CEP43: variants seen among roughly 807,000 people sequenced by gnomAD.
CEP43 encodes FGFR1 oncogene partner.
Under a neutral mutation model 52.6 loss-of-function variants are expected in CEP43, and 36 were observed. The ratio of observed to expected loss-of-function variants is 0.68; its 90% CI spans 0.52 to 0.90. CEP43 has a LOEUF of 0.90. CEP43 is among the 40% of genes least tolerant of loss of function. CEP43 has a pLI of 0.00. For synonymous variants in CEP43, 192 were observed against 172.4 expected (o/e 1.11, Z -0.89); for missense variants, 506 against 472.8 (o/e 1.07, Z -0.65).
At chr6:167,038,026 G>GT (rs1221750907) in intron 12 of CEP43, among the ~76,000 whole-genome samples, 6 of 152,126 alleles carry the variant, frequency 3.9e-5, no homozygotes, top group Admixed American at 1.3e-4. Context: ...CTGCCCAGCT[G>GT]TATGTTCTAT....
chr6:167,010,789 T>G (rs1385249075), intron 5 of CEP43, 24 bp from the exon 6 acceptor site: 1 of 1,271,892 alleles, frequency 7.9e-7, no homozygotes, highest in Non-Finnish European at 1.1e-6. Context: ...AAATGTATTT[T>G]AATTTTAAAC....
chr6:167,035,339 T>C (rs1332403011), intron 12 of CEP43, among the ~76,000 whole-genome samples: 1 of 152,142 alleles, frequency 6.6e-6, no homozygotes, highest in Non-Finnish European at 1.5e-5. Context: ...ATTTGTATTC[T>C]TTGCAGTAAG....
In CEP43 at chr6:167,051,286, TC is replaced by T. The variant is rs1023320522; in HGVS notation, c.*11309del. The T allele has an allele frequency of 1.3e-5, 2 of 152,242 alleles. No homozygotes were observed. The highest frequency in any genetic ancestry group is 4.8e-5 in the African/African-American group (2 of 41,456). The allele number at this position is 152,242 out of a possible 1,614,324, so 9.4% of individuals were successfully genotyped here. A position where few individuals can be genotyped will look rare whatever the true frequency, so the allele number is the denominator to read the frequency against. Reference sequence around the variant, plus strand: ...CTTTACACCTATATCTTAGTAGAATTCAGGCCCCTCACTTCCTCCTAACCTG... The same window carrying T: ...CTTTACACCTATATCTTAGTAGAATTAGGCCCCTCACTTCCTCCTAACCTG... On this transcript the variant is annotated 3_prime_UTR_variant, in exon 13 of 13. Transcript: ENST00000366847.
chr6:167,046,517 T>C lies in CEP43; in HGVS notation c.*6539T>C, dbSNP rs564254875. The C allele has an allele frequency of 1.3e-5, 2 of 152,384 alleles. No individual in the cohort carries two copies. Among genetic ancestry groups the C allele is most frequent in the African/African-American group, 4.8e-5 (2 of 41,596 alleles). The allele number at this position is 152,384 out of a possible 1,614,324, so 9.4% of individuals were successfully genotyped here. ...ACTACAGGCTTGGAAATGGAATTTC[T>C]TAGCCTAATTTCTAAATTAGAACTG... On this transcript the variant is annotated 3_prime_UTR_variant, in exon 13 of 13. Coordinates refer to ENST00000366847, the MANE Select transcript of CEP43 (RefSeq NM_007045.4).
rs1372916557 is a variant in CEP43, at chr6:167,044,042, G to C, written c.*4064G>C. The C allele has an allele frequency of 6.6e-6, 1 of 152,250 alleles. No individual in the cohort carries two copies. Among genetic ancestry groups the C allele is most frequent in the East Asian group, 1.9e-4 (1 of 5,188 alleles). The allele number at this position is 152,250 out of a possible 1,614,324, so 9.4% of individuals were successfully genotyped here. ...AGAGCTGCTTTGCCCCTTCCAGCGT[G>C]TGAGGACACAGTGAGGAGGTGTTGC... On this transcript the variant is annotated 3_prime_UTR_variant, in exon 13 of 13. Transcript: ENST00000366847.
At chr6:167,015,835 C>G (rs1435114050) in intron 7 of CEP43, among the ~76,000 whole-genome samples, 1 of 151,820 alleles carries the variant, frequency 6.6e-6, no homozygotes, top group African/African-American at 2.4e-5. Flanking sequence ...TTGGGCAAAA[C>G]TGAAGTTCTT....
At position 167,022,478 on chromosome 6, in the gene CEP43, C is replaced by T. The variant is rs768130325; in HGVS notation, c.649C>T (p.Leu217Phe). ...GTCAGAACCCAAGAGCAAAAGCAGC[C>T]TTCACTTACTGTCCCATGAAACAAA... ...SLSEPKSKSS[L>F]HLLSHETKIG... is the part of the protein sequence containing the mutation. The change falls in exon 8 of 13, where the codon CTT (leucine) becomes TTT (phenylalanine). Residue 217 changes from leucine to phenylalanine, a missense_variant. Physicochemically the swap from Leu to Phe is conservative, Grantham distance 22. Coordinates refer to ENST00000366847, the MANE Select transcript of CEP43 (RefSeq NM_007045.4). The T allele has an allele frequency of 3.1e-6, 5 of 1,614,000 alleles. No homozygotes were observed. The highest frequency in any genetic ancestry group is 4.2e-6 in the Non-Finnish European group (5 of 1,180,018).
intron 2 of CEP43, among the ~76,000 whole-genome samples, chr6:167,000,876 T>C (rs915870706): frequency 6.6e-6 from 1 of 151,940 alleles, no homozygotes; most frequent in African/African-American, 2.4e-5. Flanking sequence ...ATCTCAGTGG[T>C]CATTTAACCC....
At chr6:167,018,026 C>T (rs909535541) in intron 7 of CEP43, among the ~76,000 whole-genome samples, 8 of 152,244 alleles carry the variant, frequency 5.3e-5, no homozygotes, top group Admixed American at 2.6e-4. Context: ...TCAAGGTTCG[C>T]GGAGGGCTGT....
At chr6:167,001,298 G>A (rs1235128932) in intron 2 of CEP43, among the ~76,000 whole-genome samples, 2 of 152,172 alleles carry the variant, frequency 1.3e-5, no homozygotes, top group Non-Finnish European at 2.9e-5. Context: ...ATTATTTACT[G>A]TATCTTTGAC....
Position 167,045,498 on chromosome 6 carries a change from G to A in CEP43, c.*5520G>A, listed in dbSNP as rs189319656. The A allele has an allele frequency of 4.7e-3, 714 of 152,152 alleles. 2 individuals carry two copies. Among genetic ancestry groups the A allele is most frequent in the Middle Eastern group, 0.013 (4 of 298 alleles). The allele number at this position is 152,152 out of a possible 1,614,324, so 9.4% of individuals were successfully genotyped here. A position where few individuals can be genotyped will look rare whatever the true frequency, so the allele number is the denominator to read the frequency against. ...TGTAATCCCAGCACTTTGGGAGGCC[G>A]AGGCAGGCGGATCACGAGGTCAGGA... is the stretch of plus-strand genomic sequence containing the variant. On this transcript the variant is annotated 3_prime_UTR_variant, in exon 13 of 13. Coordinates refer to ENST00000366847, the MANE Select transcript of CEP43 (RefSeq NM_007045.4).
At chr6:167,025,393 T>C (rs1714022715) in intron 9 of CEP43, among the ~76,000 whole-genome samples, 1 of 152,224 alleles carries the variant, frequency 6.6e-6, no homozygotes, top group Admixed American at 6.5e-5. Flanking sequence ...ATAGTCTAGC[T>C]CTGGCACCAG....
intron 7 of CEP43, among the ~76,000 whole-genome samples, chr6:167,016,013 G>A (rs1780089939): frequency 6.6e-6 from 1 of 151,416 alleles, no homozygotes; most frequent in Admixed American, 6.6e-5. Flanking sequence ...TATCATCTGT[G>A]ATAATTTATC....
intron 11 of CEP43, among the ~76,000 whole-genome samples, chr6:167,033,345 G>A (rs1219336130): frequency 3.9e-5 from 6 of 151,902 alleles, no homozygotes; most frequent in African/African-American, 1.4e-4. Flanking sequence ...TCCTGACCTC[G>A]TGATCCACCC....
At chr6:167,004,824 A>G (rs113085956) in intron 5 of CEP43, among the ~76,000 whole-genome samples, 28 of 152,342 alleles carry the variant, frequency 1.8e-4, no homozygotes, top group Non-Finnish European at 3.5e-4. Context: ...TAAATATAAA[A>G]GGGCTGATTT....
rs996128439 is a variant in CEP43 at position 167,040,876 on chromosome 6, A to G, written c.*898A>G. 9.8e-7 allele frequency: 1 copy of G among 1,024,240 alleles called. No homozygotes were observed. Among genetic ancestry groups the G allele is most frequent in the Non-Finnish European group, 1.2e-6 (1 of 852,620 alleles). The allele number at this position is 1,024,240 out of a possible 1,614,324, so 63.4% of individuals were successfully genotyped here. ...ATGTTCAGTTTGACAAGCTTTATAT[A>G]CTGTACATAATTTCATTGTAACCCT... On this transcript the variant is annotated 3_prime_UTR_variant, in exon 13 of 13. Transcript: ENST00000366847.
At chr6:167,009,844 G>T (rs1299179155) in intron 5 of CEP43, among the ~76,000 whole-genome samples, 1 of 151,290 alleles carries the variant, frequency 6.6e-6, no homozygotes, top group East Asian at 2.0e-4. Flanking sequence ...TCAAAAAAAA[G>T]AAAAATAAAA....
intron 3 of CEP43, chr6:167,003,452 C>G (rs1008162021): frequency 4.0e-6 from 2 of 504,350 alleles, no homozygotes; most frequent in Non-Finnish European, 6.9e-6. Context: ...GCCAGTTTTA[C>G]TACAAAAAGC....
At chr6:167,009,792 C>T (rs781598613) in intron 5 of CEP43, among the ~76,000 whole-genome samples, 2 of 151,742 alleles carry the variant, frequency 1.3e-5, no homozygotes, top group Non-Finnish European at 2.9e-5. Context: ...GCCGAGATCG[C>T]ACCACTGCAC....
Sources: gnomAD v4.1 joint callset for allele counts (sites outside exome capture counted in the v4.1 genomes callset) on GRCh38, gnomAD v4.1.1 for gene constraint, MANE v1.5 for transcripts, NCBI Gene and HGNC (gene_info 2026-07-23, HGNC 2026-07-21) for gene names.